Variants in C17orf99 observed in about 807,000 individuals in gnomAD.
The protein encoded by C17orf99 is chromosome 17 open reading frame 99.
A neutral mutation model predicts 22.6 loss-of-function variants in C17orf99; 18 were observed. The observed-to-expected ratio is 0.80, with a 90% confidence interval of 0.55 to 1.18. The LOEUF is 1.18. Ranked by LOEUF, C17orf99 falls within the 50% of genes most tolerant of loss-of-function variation. The pLI is 0.00. For synonymous variants in C17orf99, 147 were observed against 136.6 expected, an observed-to-expected ratio of 1.08 and a Z score of -0.53; for missense variants, 328 against 342.7, an observed-to-expected ratio of 0.96 and a Z score of 0.34.
At chr17:78,145,698 G>T (rs1198396478), upstream of C17orf99, among the ~76,000 whole-genome samples, 5 of 152,250 alleles carry the variant, frequency 3.3e-5, no homozygotes, top group South Asian at 6.2e-4. Context: ...ATGTAGGACG[G>T]GCTCCTCCTC....
chr17:78,162,741 T>G (rs1391642509), intron 3 of C17orf99, among the ~76,000 whole-genome samples: 1 of 152,134 alleles, frequency 6.6e-6, no homozygotes, highest in Non-Finnish European at 1.5e-5. Flanking sequence ...AGCCAAGAGT[T>G]TGAGACCAGC....
At chr17:78,150,111 C>A (rs1270226317) in intron 2 of C17orf99, among the ~76,000 whole-genome samples, 2 of 151,980 alleles carry the variant, frequency 1.3e-5, no homozygotes, top group Non-Finnish European at 2.9e-5. Context: ...CAGGCTCAAG[C>A]CATCATCCCG....
chr17:78,156,417 T>C (rs1238920981), intron 2 of C17orf99, among the ~76,000 whole-genome samples: 4 of 149,504 alleles, frequency 2.7e-5, no homozygotes, highest in South Asian at 2.1e-4. Flanking sequence ...CACAATGAAA[T>C]TGACTCCAGG....
upstream of C17orf99, chr17:78,146,274 G>A (rs2075436686): frequency 1.4e-6 from 1 of 716,088 alleles, no homozygotes; most frequent in Non-Finnish European, 2.3e-6. This position sits in a 1 kb window ranked among gnomAD's most constrained non-coding sequence, Gnocchi z 5.2. Flanking sequence ...TGAGGCCCTG[G>A]GGTGCTGCGG....
intron 2 of C17orf99, chr17:78,160,736 A>AC (rs1250943949): frequency 3.6e-6 from 2 of 553,826 alleles, no homozygotes; most frequent in African/African-American, 3.8e-5. Context: ...GGTGGGCACC[A>AC]CCACGCCCGG....
Position 78,166,108 on chromosome 17 carries a change from G to T in C17orf99, c.*62G>T, listed in dbSNP as rs1233463549. The T allele has an allele frequency of 8.2e-6, 3 of 366,694 alleles. No individual in the cohort carries two copies. Among genetic ancestry groups the T allele is most frequent in the Non-Finnish European group, 8.6e-6 (2 of 231,916 alleles). The allele number at this position is 366,694 out of a possible 1,614,324, so 22.7% of individuals were successfully genotyped here. Reference sequence around the variant, plus strand: ...TGCAGGCCATCAGCGTGCACTGTTCGTATTTGGAGTTCATGCAAAATGAGT... The same window carrying T: ...TGCAGGCCATCAGCGTGCACTGTTCTTATTTGGAGTTCATGCAAAATGAGT... On this transcript the variant is annotated 3_prime_UTR_variant, in exon 5 of 5. Transcript: ENST00000340363.
At position 78,166,153 on chromosome 17, in the gene C17orf99, CACAAA is replaced by C; in HGVS notation, c.*109_*113del. The stretch of plus-strand genomic sequence containing the variant: ...ATGAGTGTGTTTTAGCTGCTCTTGC[CACAAA>C]AAAAAAAAAAAAAAAAAAAGGGTAA... On this transcript the variant is annotated 3_prime_UTR_variant, in exon 5 of 5. Transcript: ENST00000340363. 6 of 136,290 alleles carry C rather than the reference CACAAA, an allele frequency of 4.4e-5. No individual in the cohort carries two copies. Among genetic ancestry groups the C allele is most frequent in the East Asian group, 9.9e-5 (1 of 10,120 alleles). 8.4% of individuals were successfully genotyped at this position (136,290 alleles called of 1,614,324 possible). A position where few individuals can be genotyped will look rare whatever the true frequency, so the allele number is the denominator to read the frequency against.
At chr17:78,161,732 T>A (rs1478787927) in intron 3 of C17orf99, among the ~76,000 whole-genome samples, 2 of 151,148 alleles carry the variant, frequency 1.3e-5, no homozygotes, top group Non-Finnish European at 2.9e-5. Flanking sequence ...TAGTTCCAGC[T>A]ACTCAGGAGG....
At chr17:78,147,430 G>T (rs1004732900) in intron 2 of C17orf99, among the ~76,000 whole-genome samples, 10 of 152,184 alleles carry the variant, frequency 6.6e-5, no homozygotes, top group African/African-American at 2.4e-4. Context: ...AGAGGCAGGT[G>T]GGGAGTGGAG....
chr17:78,145,685 G>A (rs948161207), upstream of C17orf99, among the ~76,000 whole-genome samples: 5 of 152,170 alleles, frequency 3.3e-5, no homozygotes, highest in African/African-American at 9.7e-5. Flanking sequence ...GGTCACCTGG[G>A]TCATGTAGGA....
Position 78,161,054 on chromosome 17 carries a change from C to G in C17orf99, c.170C>G (p.Pro57Arg), listed in dbSNP as rs759332203. The G allele has an allele frequency of 5.2e-6, 8 of 1,551,634 alleles. No individual in the cohort carries two copies. Among genetic ancestry groups the G allele is most frequent in the Non-Finnish European group, 5.2e-6 (6 of 1,146,984 alleles). ...ITCCAPQPPP[P>R]ITYSLCGTKN... ...TGCTGTGCACCCCAGCCACCACCGC[C>G]CATCACCTATTCCCTCTGTGGAACC... The change falls in exon 3 of 5, where the codon CCC becomes CGC. Residue 57 changes from proline (P) to arginine (R), a missense_variant. Coordinates refer to ENST00000340363, the MANE Select transcript of C17orf99 (RefSeq NM_001163075.2).
rs758983769 is a variant in C17orf99, at chr17:78,166,034, A to C, written c.786A>C (p.Ala262=). The C allele has an allele frequency of 1.0e-5, 14 of 1,375,926 alleles. No homozygotes were observed. The highest frequency in any genetic ancestry group is 1.4e-5 in the Non-Finnish European group (14 of 1,033,366). The allele number at this position is 1,375,926 out of a possible 1,614,324, so 85.2% of individuals were successfully genotyped here. A position where few individuals can be genotyped will look rare whatever the true frequency, so the allele number is the denominator to read the frequency against. ...ATGGGGAGGTCAGAGGACGCAAAGC[A>C]GCAGCCATGTAGAATGAACCGTCCA... The part of the protein sequence containing the change: ...IGNGEVRGRK[A]AAM The change falls in exon 5 of 5, where the codon GCA becomes GCC. Residue 262 remains alanine, a synonymous_variant. Transcript: ENST00000340363.
rs1372544421 is a variant in C17orf99 at position 78,161,211 on chromosome 17, T to G, written c.327T>G (p.His109Gln). ...GGGCGTCCTCCACCTCAGGTGCCCATGTGGACAGTGCCAGGCTACAGATGC... is the reference window on the plus strand; with the variant it reads ...GGGCGTCCTCCACCTCAGGTGCCCAGGTGGACAGTGCCAGGCTACAGATGC... ...FCWASSTSGAHVDSARLQMHW... is the reference protein window; with the variant it reads ...FCWASSTSGAQVDSARLQMHW... Residue 109 changes from histidine (H) to glutamine (Q), a missense_variant, in exon 3 of 5, where the codon CAT (histidine) becomes CAG (glutamine). By Grantham distance (24) the His-to-Gln change is conservative. Transcript: ENST00000340363. 1 of 1,551,736 alleles carries G rather than the reference T, an allele frequency of 6.4e-7. No individual in the cohort carries two copies. The highest frequency in any genetic ancestry group is 1.2e-5 in the South Asian group (1 of 84,060).
chr17:78,152,851 G>A (rs1156241791), intron 2 of C17orf99, among the ~76,000 whole-genome samples: 1 of 152,004 alleles, frequency 6.6e-6, no homozygotes, highest in Non-Finnish European at 1.5e-5. Flanking sequence ...GAAGGCTGAG[G>A]TGGGTGGATC....
intron 4 of C17orf99, 140 bp from the exon 5 acceptor site, chr17:78,165,749 C>A: frequency 8.4e-7 from 1 of 1,195,468 alleles, no homozygotes; most frequent in Non-Finnish European, 1.1e-6. Context: ...TTGCAGTGAG[C>A]CGAGATCGTG....
chr17:78,147,480 G>A (rs1598938578), intron 2 of C17orf99, among the ~76,000 whole-genome samples: 1 of 152,164 alleles, frequency 6.6e-6, no homozygotes, highest in Admixed American at 6.5e-5. Flanking sequence ...CAGGGAGGAG[G>A]GGACGCTGGG....
intron 4 of C17orf99, 168 bp from the exon 5 acceptor site, chr17:78,165,721 G>T: frequency 2.8e-6 from 3 of 1,081,758 alleles, no homozygotes; most frequent in Non-Finnish European, 3.5e-6. Context: ...AGAATCACTT[G>T]AACCCAGGAG....
rs139587690 is a variant in C17orf99, at chr17:78,160,851, G to T, written c.71-104G>T. ...GTCCACCTGGACCTCCCAAACACTG[G>T]GATTACAGGTGTTTGCCACCGAGCC... On this transcript the variant is annotated intron_variant, in intron 2 of 4. Transcript: ENST00000340363. 1.9e-3 allele frequency: 1,640 copies of T among 882,480 alleles called. 13 individuals carry two copies. The African/African-American group carries it at 0.024, about 13-fold the overall frequency. 54.7% of individuals were successfully genotyped at this position (882,480 alleles called of 1,614,324 possible). A position where few individuals can be genotyped will look rare whatever the true frequency, so the allele number is the denominator to read the frequency against.
Position 78,164,263 on chromosome 17 carries a change from C to A in C17orf99, c.539C>A (p.Ala180Asp). ...LQQRPCHRQP[A>D]NFSFLPSQTS... ...CAGAGACCATGCCACAGGCAGCCTG[C>A]CAACTTCTCCTTCCTGCCGAGCCAG... The change falls in exon 4 of 5, where the codon GCC (alanine) becomes GAC (aspartate). Residue 180 changes from alanine to aspartate, a missense_variant. Transcript: ENST00000340363. The A allele has an allele frequency of 6.4e-7, 1 of 1,551,500 alleles. No homozygotes were observed. Among genetic ancestry groups the A allele is most frequent in the Non-Finnish European group, 8.7e-7 (1 of 1,147,016 alleles).
Sources: allele counts gnomAD v4.1 joint callset (sites outside exome capture counted in the v4.1 genomes callset), GRCh38; gene constraint gnomAD v4.1.1; non-coding constraint Gnocchi (gnomAD v3.1); transcripts MANE v1.5; gene names NCBI Gene and HGNC (gene_info 2026-07-23, HGNC 2026-07-21).